DGKB: variants seen among roughly 807,000 people sequenced by gnomAD.
DGKB encodes the protein 90 kDa diacylglycerol kinase.
Under a neutral mutation model 114.3 loss-of-function variants are expected in DGKB, and 67 were observed. The ratio of observed to expected loss-of-function variants is 0.59; its 90% confidence interval spans 0.48 to 0.72. The LOEUF is 0.72. Among genes scored for constraint, DGKB ranks in the 30% least tolerant of loss-of-function variants. The pLI is 0.00. For missense variants in DGKB, 907 were observed against 975.2 expected (o/e 0.93, Z 0.93); for synonymous variants, 398 against 323.1 (o/e 1.23, Z -2.49).
In DGKB at chr7:14,880,598, A is replaced by G. The variant is rs1854071966; in HGVS notation, c.-188+21994T>C. Among the ~76,000 whole-genome samples, 2 of 152,222 alleles carry G rather than the reference A, an allele frequency of 1.3e-5. 1 individual carries two copies. The highest frequency in any genetic ancestry group is 4.1e-4 in the South Asian group (2 of 4,832). ...TACAAATGGAAGAGGTTTGGATTGC[A>G]TCCTCATGCCATAAGAAGCCCCTCA... is the stretch of plus-strand genomic sequence containing the variant. On this transcript the variant is annotated intron_variant, in intron 1 of 25. Coordinates refer to ENST00000402815, the MANE Select transcript of DGKB (RefSeq NM_001350709.2).
chr7:14,753,381 A>G (rs1263654044), intron 4 of DGKB, among the ~76,000 whole-genome samples: 1 of 152,170 alleles, frequency 6.6e-6, no homozygotes, highest in East Asian at 1.9e-4. Flanking sequence ...TCTAAAACTT[A>G]ATTTACAAAA....
At chr7:14,641,288 G>GCA (rs1370194260) in intron 13 of DGKB, among the ~76,000 whole-genome samples, 8 of 12,254 alleles carry the variant, frequency 6.5e-4, no homozygotes, top group South Asian at 1.6e-3. Flanking sequence ...TAGGGATTTG[G>GCA]TTTACAATAT....
intron 23 of DGKB, among the ~76,000 whole-genome samples, chr7:14,241,161 T>A (rs1793584909): frequency 6.6e-6 from 1 of 152,152 alleles, no homozygotes; most frequent in African/African-American, 2.4e-5. Context: ...GGGCATTTAA[T>A]GAAAGTAAGT....
chr7:14,242,580 T>A (rs980603515), intron 23 of DGKB, among the ~76,000 whole-genome samples: 1 of 152,166 alleles, frequency 6.6e-6, no homozygotes, highest in Non-Finnish European at 1.5e-5. Flanking sequence ...ATATCTTACA[T>A]TGTAGAAATG....
At chr7:14,258,596 G>A (rs1796283114) in intron 23 of DGKB, among the ~76,000 whole-genome samples, 1 of 152,126 alleles carries the variant, frequency 6.6e-6, no homozygotes, top group Admixed American at 6.6e-5. Context: ...ATTGCTAGAG[G>A]GTGAAAGGAA....
intron 20 of DGKB, among the ~76,000 whole-genome samples, chr7:14,522,142 T>A (rs1789886056): frequency 1.3e-5 from 2 of 152,202 alleles, no homozygotes; most frequent in African/African-American, 4.8e-5. Context: ...AAGTGTTTCA[T>A]TTTTTGCTGA....
chr7:14,530,035 G>GAT (rs1791303641), intron 20 of DGKB, among the ~76,000 whole-genome samples: 2 of 151,582 alleles, frequency 1.3e-5, no homozygotes, highest in Admixed American at 1.3e-4. Flanking sequence ...GATCAGGATC[G>GAT]ATTAATTCAT....
At chr7:14,303,452 C>G (rs1803910664) in intron 23 of DGKB, among the ~76,000 whole-genome samples, 1 of 152,024 alleles carries the variant, frequency 6.6e-6, no homozygotes, top group African/African-American at 2.4e-5. Context: ...TATTATTGGT[C>G]CTTTTGATAC....
intron 15 of DGKB, among the ~76,000 whole-genome samples, chr7:14,615,957 A>G (rs1436328893): frequency 1.3e-5 from 2 of 151,482 alleles, no homozygotes; most frequent in Admixed American, 6.6e-5. Flanking sequence ...GAAACTCAGT[A>G]TATCTGATTT....
intron 25 of DGKB, among the ~76,000 whole-genome samples, chr7:14,175,198 C>A (rs945087765): frequency 6.6e-6 from 1 of 152,128 alleles, no homozygotes; most frequent in Non-Finnish European, 1.5e-5. Flanking sequence ...TGCTATTTAA[C>A]CTCCCAGAAC....
chr7:14,800,856 T>C (rs1421163029), intron 2 of DGKB, among the ~76,000 whole-genome samples: 1 of 152,004 alleles, frequency 6.6e-6, no homozygotes, highest in Admixed American at 6.6e-5. Context: ...GCAGAAATAG[T>C]AATGGCCCCA....
At chr7:14,284,080 C>A (rs1800419714) in intron 23 of DGKB, among the ~76,000 whole-genome samples, 1 of 152,024 alleles carries the variant, frequency 6.6e-6, no homozygotes, top group African/African-American at 2.4e-5. Flanking sequence ...AACAGGCAAC[C>A]TACAAAATGG....
intron 12 of DGKB, among the ~76,000 whole-genome samples, chr7:14,673,743 T>A (rs2128950796): frequency 6.6e-6 from 1 of 152,224 alleles, no homozygotes; most frequent in Non-Finnish European, 1.5e-5. Flanking sequence ...TAAATAGTGA[T>A]GTTTTAAAAC....
intron 2 of DGKB, among the ~76,000 whole-genome samples, chr7:14,805,010 A>G (rs1024826272): frequency 2.6e-5 from 4 of 151,678 alleles, no homozygotes; most frequent in Non-Finnish European, 4.4e-5. Flanking sequence ...TTTTCATTCA[A>G]TTGGTTTTAT....
chr7:14,770,508 T>C (rs929611285), intron 2 of DGKB, among the ~76,000 whole-genome samples: 15 of 152,144 alleles, frequency 9.9e-5, no homozygotes, highest in Admixed American at 9.8e-4. Flanking sequence ...TAAAGTGTCA[T>C]GCCTAAATGA....
intron 1 of DGKB, among the ~76,000 whole-genome samples, chr7:14,968,859 C>G (rs1261402835): frequency 1.3e-5 from 2 of 152,178 alleles, no homozygotes; most frequent in Non-Finnish European, 2.9e-5. Flanking sequence ...ACATTTGCAT[C>G]ATGCAAATAA....
rs1445535754 is a variant in DGKB, at chr7:14,255,094, C to T, written c.2123-76943G>A. On this transcript the variant is annotated intron_variant, in intron 23 of 25. Transcript: ENST00000402815. ...GTTATGAAAAAAAGACAAATGGGCACGACAATGTGAAGAAGTCTGAATCTG... is the reference window on the plus strand; with the variant it reads ...GTTATGAAAAAAAGACAAATGGGCATGACAATGTGAAGAAGTCTGAATCTG... Among the ~76,000 whole-genome samples, 8 of 152,106 alleles carry T rather than the reference C, an allele frequency of 5.3e-5. No individual in the cohort carries two copies. The East Asian group carries it at 5.8e-4, about 11-fold the overall frequency.
chr7:14,672,464 TA>T (rs569520196), intron 13 of DGKB, among the ~76,000 whole-genome samples: 211 of 152,026 alleles, frequency 1.4e-3, no homozygotes, highest in African/African-American at 4.7e-3. Flanking sequence ...ATTTTTTTTT[TA>T]AAAAACAGCT....
intron 20 of DGKB, among the ~76,000 whole-genome samples, chr7:14,542,098 C>T (rs1281534465): frequency 1.3e-5 from 2 of 152,076 alleles, no homozygotes; most frequent in African/African-American, 4.8e-5. Flanking sequence ...TGATCAATTG[C>T]CTTTACAAAA....
Sources: allele counts gnomAD v4.1 joint callset (sites outside exome capture counted in the v4.1 genomes callset), GRCh38; gene constraint gnomAD v4.1.1; transcripts MANE v1.5; gene names NCBI Gene and HGNC (gene_info 2026-07-23, HGNC 2026-07-21).